NOL3: variants seen among roughly 807,000 people sequenced by gnomAD.
The protein encoded by NOL3 is muscle-enriched cytoplasmic protein.
NOL3 carries 18 observed loss-of-function variants against 19.2 expected under a neutral mutation model. That is an observed-to-expected ratio of 0.94 (90% confidence interval 0.65 to 1.39). The LOEUF (loss-of-function observed/expected upper bound fraction) is 1.39. Ranked by LOEUF, NOL3 falls within the 40% of genes most tolerant of loss-of-function variation. The probability of loss-of-function intolerance (pLI) is 0.00; values close to 1 mark genes in which losing one functional copy is unlikely to be tolerated. For missense variants in NOL3, 290 were observed against 289.5 expected (o/e 1.00, Z -0.01); for synonymous variants, 127 against 137.3 (o/e 0.93, Z 0.52).
intron 3 of NOL3, 46 bp from the exon 4 acceptor site, chr16:67,175,001 G>C: frequency 6.2e-7 from 1 of 1,611,616 alleles, no homozygotes; most frequent in Admixed American, 1.7e-5. Context: ...CCTGGGAAGC[G>C]GATGCCGGAC....
At chr16:67,173,116 C>T (rs947315529) in intron 1 of NOL3, 2 of 146,890 alleles carry the variant, frequency 1.4e-5, no homozygotes. Context: ...AAAAAAAAGT[C>T]TCTCAAAATA....
At chr16:67,174,907 G>A (rs781105697) in exon 3 of NOL3, 1 of 1,613,426 alleles carries the variant, frequency 6.2e-7, no homozygotes. Flanking sequence ...CGGACCCAGA[G>A]CCCGAGCCCG....
chr16:67,174,931 G>A, exon 3 of NOL3: 1 of 1,612,434 alleles, frequency 6.2e-7, no homozygotes. Flanking sequence ...TCGAGGAAAG[G>A]GACGAGTCCG....
intron 1 of NOL3, chr16:67,171,583 G>A (rs191750878): frequency 6.6e-6 from 1 of 152,186 alleles, no homozygotes; most frequent in Non-Finnish European, 1.5e-5. Flanking sequence ...AGTGGGGTGT[G>A]GGGGGGAGGT....
chr16:67,174,253 A>ACTG (rs1255290877), exon 2 of NOL3: 1 of 1,612,770 alleles, frequency 6.2e-7, no homozygotes, highest in East Asian at 2.2e-5. Context: ...CGGACTCGGG[A>ACTG]CTGCTGTTGG....
chr16:67,175,451 C>G, exon 4 of NOL3: 1 of 644,870 alleles, frequency 1.6e-6, no homozygotes. Flanking sequence ...GGTACCAGCT[C>G]AACCCCACGC....
intron 2 of NOL3, 53 bp downstream of exon 2, chr16:67,174,517 CA>C: frequency 2.0e-6 from 3 of 1,467,556 alleles, no homozygotes; most frequent in Admixed American, 2.6e-5. Flanking sequence ...CTGGGGCAGA[CA>C]AAAGGCCCGG....
At chr16:67,175,403 A>C in exon 4 of NOL3, 3 of 1,128,440 alleles carry the variant, frequency 2.7e-6, no homozygotes, top group Non-Finnish European at 3.3e-6. Flanking sequence ...CGCATACACA[A>C]CCCATTTCCC....
At chr16:67,174,458 G>A (rs759462732) in exon 2 of NOL3, 9 of 1,491,044 alleles carry the variant, frequency 6.0e-6, no homozygotes, top group African/African-American at 1.4e-5. Flanking sequence ...GCAGCACGTG[G>A]GTCCGGGTGA....
intron 1 of NOL3, among the ~76,000 whole-genome samples, chr16:67,172,367 C>G (rs1005106406): frequency 6.6e-6 from 1 of 152,144 alleles, no homozygotes; most frequent in African/African-American, 2.4e-5. Context: ...AATCCCAACA[C>G]TTTGGGAGGC....
chr16:67,174,589 T>G (rs1448551888), intron 2 of NOL3, 32 bp from the exon 3 acceptor site: 3 of 1,517,380 alleles, frequency 2.0e-6, no homozygotes, highest in Admixed American at 4.5e-5. Flanking sequence ...CAGGGGTAAA[T>G]TGAGCCTCAG....
chr16:67,172,156 G>A (rs567235201), intron 1 of NOL3, among the ~76,000 whole-genome samples: 17 of 150,852 alleles, frequency 1.1e-4, no homozygotes, highest in East Asian at 9.8e-4. Context: ...GGAGGATGCC[G>A]TGTGAACAAA....
exon 3 of NOL3, chr16:67,174,682 C>G: frequency 1.9e-6 from 3 of 1,594,068 alleles, no homozygotes; most frequent in Non-Finnish European, 2.6e-6. Flanking sequence ...AGGCACCCGG[C>G]TCGGGGACCA....
At chr16:67,173,232 G>A (rs2031879821) in intron 1 of NOL3, among the ~76,000 whole-genome samples, 1 of 152,182 alleles carries the variant, frequency 6.6e-6, no homozygotes, top group African/African-American at 2.4e-5. Context: ...ATGTCTGTAG[G>A]TAATTCCCAG....
exon 3 of NOL3, chr16:67,174,877 G>A (rs770345630): frequency 6.2e-7 from 1 of 1,612,340 alleles, no homozygotes; most frequent in South Asian, 1.1e-5. Flanking sequence ...CAGAACCAGA[G>A]CCGGAACTGG....
rs749784737 is a variant in NOL3 at position 67,174,606 on chromosome 16, C to A, written c.296-15C>A. 3.9e-6 allele frequency: 6 copies of A among 1,523,044 alleles called. No individual in the cohort carries two copies. The South Asian group carries it at 3.9e-5, about 10-fold the overall frequency. The allele number at this position is 1,523,044 out of a possible 1,614,324, so 94.3% of individuals were successfully genotyped here. On this transcript the variant is annotated splice_polypyrimidine_tract_variant and intron_variant, in intron 2 of 3. Coordinates refer to ENST00000268605, the Ensembl canonical transcript of NOL3. ...GGGGTAAATTGAGCCTCAGTCACTC[C>A]CACTTCCGCCCCAGGCTACCGGGAC...
intron 3 of NOL3, 31 bp downstream of exon 3, chr16:67,174,975 T>C (rs1218477375): frequency 2.0e-5 from 32 of 1,609,326 alleles, no homozygotes; most frequent in Non-Finnish European, 2.7e-5. Context: ...TGAGCCGGCT[T>C]GGCGGGAGGG....
At chr16:67,173,346 C>T (rs1287040513) in intron 1 of NOL3, among the ~76,000 whole-genome samples, 2 of 152,144 alleles carry the variant, frequency 1.3e-5, no homozygotes, top group Admixed American at 6.5e-5. Context: ...AGATCTTGGT[C>T]AGAGCTAGGC....
exon 2 of NOL3, chr16:67,174,398 C>T (rs1379545541): frequency 1.3e-6 from 2 of 1,552,994 alleles, no homozygotes; most frequent in Admixed American, 1.9e-5. Context: ...CCAGGAGCTG[C>T]TACGCTGTGC....
Sources: gnomAD v4.1 joint callset for allele counts (sites outside exome capture counted in the v4.1 genomes callset) on GRCh38, gnomAD v4.1.1 for gene constraint, MANE v1.5 for transcripts, NCBI Gene and HGNC (gene_info 2026-07-23, HGNC 2026-07-21) for gene names.